Variants in COL23A1 observed in about 807,000 individuals in gnomAD.
COL23A1 encodes collagen alpha-1(XXIII) chain.
A neutral mutation model predicts 99.3 loss-of-function variants in COL23A1; 97 were observed. The ratio of observed to expected loss-of-function variants is 0.98; its 90% CI spans 0.83 to 1.16. The LOEUF is 1.16. Ranked by LOEUF, COL23A1 falls within the 50% of genes most tolerant of loss-of-function variation. The pLI is 0.00. For missense variants in COL23A1, 762 were observed against 757.4 expected, an observed-to-expected ratio of 1.01 and a Z score of -0.07; for synonymous variants, 320 against 308.2, an observed-to-expected ratio of 1.04 and a Z score of -0.40.
At chr5:178,264,227 A>G (rs566208712) in intron 8 of COL23A1, among the ~76,000 whole-genome samples, 10 of 152,010 alleles carry the variant, frequency 6.6e-5, no homozygotes, top group Non-Finnish European at 1.5e-4. Context: ...CTGTTGTGAG[A>G]CTGTACTACA....
At chr5:178,523,197 T>TAGAG (rs1416631747) in intron 2 of COL23A1, among the ~76,000 whole-genome samples, 8 of 73,742 alleles carry the variant, frequency 1.1e-4, no homozygotes, top group South Asian at 3.9e-4. Context: ...TATATATATA[T>TAGAG]ATATAGAGAG....
chr5:178,241,271 C>T (rs1000719678), intron 27 of COL23A1, among the ~76,000 whole-genome samples: 3 of 152,042 alleles, frequency 2.0e-5, no homozygotes, highest in African/African-American at 7.2e-5. Context: ...TTTCAGGCAC[C>T]AGTGCCTGAA....
At chr5:178,524,038 T>C (rs1456413446) in intron 2 of COL23A1, among the ~76,000 whole-genome samples, 3 of 152,220 alleles carry the variant, frequency 2.0e-5, no homozygotes, top group South Asian at 4.1e-4. Flanking sequence ...TTCTGTGTCA[T>C]ACGGGAGGGT....
chr5:178,389,283 T>C (rs1396892574), intron 2 of COL23A1, among the ~76,000 whole-genome samples: 3 of 152,206 alleles, frequency 2.0e-5, no homozygotes, highest in African/African-American at 7.2e-5. Flanking sequence ...CACAGCCTCC[T>C]GGCCACCTCC....
At chr5:178,516,107 G>A (rs146492190) in intron 2 of COL23A1, among the ~76,000 whole-genome samples, 149 of 152,212 alleles carry the variant, frequency 9.8e-4, no homozygotes, top group Admixed American at 3.8e-3. Context: ...CACCCTGGGC[G>A]TTCCACCTGC....
intron 1 of COL23A1, among the ~76,000 whole-genome samples, chr5:178,571,960 C>T (rs550917964): frequency 2.6e-5 from 4 of 151,434 alleles, no homozygotes; most frequent in Admixed American, 2.0e-4. Flanking sequence ...CCCAGCTACT[C>T]GGGAGGCTGA....
chr5:178,252,023 C>T (rs1426292078), intron 17 of COL23A1, among the ~76,000 whole-genome samples: 2 of 151,666 alleles, frequency 1.3e-5, no homozygotes, highest in Non-Finnish European at 2.9e-5. Context: ...AAGCGATTCT[C>T]CTGCCTCAGC....
rs1764174896 is a variant in COL23A1, at chr5:178,589,823, C to T, written c.294+81G>A. The T allele has an allele frequency of 8.3e-7, 1 of 1,201,752 alleles. No individual in the cohort carries two copies. Among genetic ancestry groups the T allele is most frequent in the South Asian group, 3.2e-5 (1 of 31,068 alleles). 74.4% of individuals were successfully genotyped at this position (1,201,752 alleles called of 1,614,324 possible). The stretch of plus-strand genomic sequence containing the variant: ...GCGACCCTCCTCCCAGAGACCTGCA[C>T]GCTGCCCCCGGCTCCCAGCGTACCG... On this transcript the variant is annotated intron_variant, in intron 1 of 28. Transcript: ENST00000390654. This position sits in a 1 kb window ranked among gnomAD's most constrained non-coding sequence, Gnocchi z 5.4.
chr5:178,589,024 G>C lies in COL23A1; in HGVS notation c.294+880C>G, dbSNP rs1764134431. Among the ~76,000 whole-genome samples the C allele has an allele frequency of 6.6e-6, 1 of 152,184 alleles. No individual in the cohort carries two copies. On this transcript the variant is annotated intron_variant, in intron 1 of 28. Transcript: ENST00000390654. The surrounding 1 kb of genome is among the most constrained non-coding windows in gnomAD (Gnocchi z 5.4). ...CAGGGCCTGTCCAGTTTCGTGGGGA[G>C]GGGAACTGCCGCACATGCCGCACAC...
intron 2 of COL23A1, among the ~76,000 whole-genome samples, chr5:178,317,160 T>C (rs73344865): frequency 0.016 from 2,439 of 152,312 alleles, 82 homozygotes; most frequent in African/African-American, 0.056. Flanking sequence ...GTTTGTGATA[T>C]TCTCTCTGCC....
At chr5:178,547,188 C>A (rs1008498249) in intron 2 of COL23A1, among the ~76,000 whole-genome samples, 1 of 151,864 alleles carries the variant, frequency 6.6e-6, no homozygotes, top group Non-Finnish European at 1.5e-5. Flanking sequence ...GTGGCAAGTA[C>A]CCCGACAGTA....
intron 16 of COL23A1, among the ~76,000 whole-genome samples, chr5:178,253,514 C>G (rs1475750274): frequency 6.6e-6 from 1 of 151,818 alleles, no homozygotes; most frequent in Non-Finnish European, 1.5e-5. Flanking sequence ...ATGGAGTCTC[C>G]CTCTGTTGCC....
intron 1 of COL23A1, among the ~76,000 whole-genome samples, chr5:178,569,089 C>G (rs1762967316): frequency 6.6e-6 from 1 of 152,152 alleles, no homozygotes; most frequent in African/African-American, 2.4e-5. Flanking sequence ...CCAAAAGATC[C>G]TGGTGGATGT....
Position 178,246,327 on chromosome 5 carries a change from G to A in COL23A1, c.1360-20C>T, listed in dbSNP as rs371005514. On this transcript the variant is annotated intron_variant, in intron 23 of 28. Transcript: ENST00000390654. ...TGGCCCCTGGATAGAAAAGGAATGA[G>A]TCAAGAGGCATGCTAGTGACAGGAA... 8.8e-5 allele frequency: 137 copies of A among 1,557,916 alleles called. No individual in the cohort carries two copies. Among genetic ancestry groups the A allele is most frequent in the Non-Finnish European group, 1.0e-4 (116 of 1,149,976 alleles).
chr5:178,504,513 A>T (rs1251753781), intron 2 of COL23A1, among the ~76,000 whole-genome samples: 1 of 152,024 alleles, frequency 6.6e-6, no homozygotes, highest in East Asian at 1.9e-4. Context: ...CTAGCCAGAG[A>T]GCAAGGTTTG....
chr5:178,321,480 CTTTTT>C (rs570803192), intron 2 of COL23A1, among the ~76,000 whole-genome samples: 2 of 109,024 alleles, frequency 1.8e-5, no homozygotes, highest in African/African-American at 8.0e-5. Flanking sequence ...GTCACCTTCC[CTTTTT>C]TTTTTTTTTT....
chr5:178,338,560 C>T (rs1418396359), intron 2 of COL23A1, among the ~76,000 whole-genome samples: 2 of 152,080 alleles, frequency 1.3e-5, no homozygotes, highest in African/African-American at 4.8e-5. Flanking sequence ...CACCCAGCAC[C>T]GGGTATGGGG....
chr5:178,376,368 C>T (rs755211470), intron 2 of COL23A1, among the ~76,000 whole-genome samples: 2 of 152,188 alleles, frequency 1.3e-5, no homozygotes, highest in East Asian at 1.9e-4. Flanking sequence ...TTATCATTTC[C>T]GTTTCTCAGG....
chr5:178,255,029 G>A lies in COL23A1; in HGVS notation c.883-3C>T. The A allele has an allele frequency of 6.2e-7, 1 of 1,612,824 alleles. No individual in the cohort carries two copies. The highest frequency in any genetic ancestry group is 8.5e-7 in the Non-Finnish European group (1 of 1,179,018). ...TCGCCCTTGAGGCCTGGGGCACCCT[G>A]AGGCAGGAAGAAGAGTAAGAATTTC... On this transcript the variant is annotated splice_polypyrimidine_tract_variant and splice_region_variant and intron_variant, in intron 15 of 28. Coordinates refer to ENST00000390654, the MANE Select transcript of COL23A1 (RefSeq NM_173465.4). This position sits in a 1 kb window ranked among gnomAD's most constrained non-coding sequence, Gnocchi z 4.2.
Sources: gnomAD v4.1 joint callset for allele counts (sites outside exome capture counted in the v4.1 genomes callset) on GRCh38, gnomAD v4.1.1 for gene constraint, Gnocchi (gnomAD v3.1) non-coding constraint, MANE v1.5 for transcripts, NCBI Gene and HGNC (gene_info 2026-07-23, HGNC 2026-07-21) for gene names.